The following MAGI3 variants were observed in gnomAD, a reference collection of about 807,000 sequenced individuals.
The protein encoded by MAGI3 is membrane-associated guanylate kinase, WW and PDZ domain-containing protein 3.
MAGI3 carries 43 observed loss-of-function variants against 121.8 expected under a neutral mutation model. That is an observed-to-expected ratio of 0.35 (90% confidence interval 0.28 to 0.46). The LOEUF (loss-of-function observed/expected upper bound fraction) is 0.46, where lower values mean the gene tolerates loss of function less well. Ranked by LOEUF, MAGI3 falls within the 20% of genes least tolerant of loss-of-function variation. The probability of loss-of-function intolerance (pLI) is 1.00; values close to 1 mark genes in which losing one functional copy is unlikely to be tolerated. For missense variants in MAGI3, 1,547 were observed against 1,797.3 expected (o/e 0.86, Z 2.52); for synonymous variants, 553 against 639.3 (o/e 0.86, Z 2.04).
rs79577229 is a variant in MAGI3 at position 113,547,468 on chromosome 1, A to G, written c.317-2047A>G. 4.5e-3 allele frequency among the ~76,000 whole-genome samples: 688 copies of G among 152,310 alleles called. 4 individuals carry two copies. The highest frequency in any genetic ancestry group is 8.3e-3 in the Non-Finnish European group (564 of 68,022). On this transcript the variant is annotated intron_variant, in intron 1 of 20. Coordinates refer to ENST00000307546, the MANE Select transcript of MAGI3 (RefSeq NM_001142782.2). ...ATGTTGTTTTTAAGTGGGGGAAAAA[A>G]CAATGATGCATTCTCTGTCCATTCA...
intron 9 of MAGI3, among the ~76,000 whole-genome samples, chr1:113,633,845 C>A (rs1001049860): frequency 5.9e-5 from 9 of 152,192 alleles, no homozygotes; most frequent in African/African-American, 2.2e-4. Flanking sequence ...AGTTTACAGT[C>A]CCACCAATGG....
intron 6 of MAGI3, among the ~76,000 whole-genome samples, chr1:113,611,088 CTTTTTT>C (rs139111390): frequency 2.3e-4 from 32 of 137,196 alleles, no homozygotes; most frequent in Non-Finnish European, 4.1e-4. Flanking sequence ...CATAATTATT[CTTTTTT>C]TTTTTTTTTT....
chr1:113,459,989 A>G (rs1440489298), intron 1 of MAGI3, among the ~76,000 whole-genome samples: 2 of 152,244 alleles, frequency 1.3e-5, no homozygotes, highest in Admixed American at 6.5e-5. Context: ...TCAGGCCAGT[A>G]TCCTTGATGA....
chr1:113,659,083 T>C lies in MAGI3; in HGVS notation c.2633T>C (p.Ile878Thr), dbSNP rs1653639487. 1.2e-6 allele frequency: 2 copies of C among 1,607,094 alleles called. No homozygotes were observed. Among genetic ancestry groups the C allele is most frequent in the Non-Finnish European group, 1.7e-6 (2 of 1,176,586 alleles). The part of the protein sequence containing the change: ...TSKNKPPPGV[I>T]PHKIGRVIEG... ...CCTGGGGTTTTTTTTCCCATAGTTA[T>C]TCCTCATAAAATTGGCCGAGTCATA... is the stretch of plus-strand genomic sequence containing the variant. Residue 878 changes from isoleucine (I) to threonine (T), a missense_variant, in exon 16 of 21, where the codon ATT becomes ACT. Transcript: ENST00000307546.
At chr1:113,620,011 T>C (rs1442855731) in intron 8 of MAGI3, among the ~76,000 whole-genome samples, 181 bp downstream of exon 8, 1 of 152,170 alleles carries the variant, frequency 6.6e-6, no homozygotes, top group East Asian at 1.9e-4. Context: ...ATACTGAGAT[T>C]TTTCTCAGGA....
At chr1:113,547,620 T>C (rs1659597414) in intron 1 of MAGI3, among the ~76,000 whole-genome samples, 1 of 152,236 alleles carries the variant, frequency 6.6e-6, no homozygotes. Flanking sequence ...TTAAAAATAC[T>C]TAATGAATTC....
intron 16 of MAGI3, among the ~76,000 whole-genome samples, chr1:113,665,831 A>T (rs765827990): frequency 1.3e-5 from 2 of 152,130 alleles, no homozygotes; most frequent in Non-Finnish European, 2.9e-5. Flanking sequence ...TTTTGAAAAT[A>T]CACTTTCTTT....
intron 1 of MAGI3, among the ~76,000 whole-genome samples, chr1:113,548,013 T>C (rs1000717289): frequency 1.3e-5 from 2 of 152,218 alleles, no homozygotes; most frequent in African/African-American, 4.8e-5. Context: ...ATTTCCTGCT[T>C]ATGTTAACAC....
At chr1:113,432,936 A>G (rs1038589875) in intron 1 of MAGI3, among the ~76,000 whole-genome samples, 1 of 152,076 alleles carries the variant, frequency 6.6e-6, no homozygotes, top group Non-Finnish European at 1.5e-5. Context: ...TAATCCTAGC[A>G]TTTTGGGAGG....
At chr1:113,647,951 T>C (rs1482168733) in intron 12 of MAGI3, among the ~76,000 whole-genome samples, 1 of 151,992 alleles carries the variant, frequency 6.6e-6, no homozygotes, top group African/African-American at 2.4e-5. Context: ...AGACAGAGTC[T>C]TGCTCTGTCA....
rs769697345 is a variant in MAGI3 at position 113,573,281 on chromosome 1, G to C, written c.434-7261G>C. On this transcript the variant is annotated intron_variant, in intron 2 of 20. Transcript: ENST00000307546. The stretch of plus-strand genomic sequence containing the variant: ...TTGCTTCTCTAGTTCTTTTAATTGT[G>C]ACATTAGGTTGTCTATTTTAGATCT... Among the ~76,000 whole-genome samples, 8 of 152,262 alleles carry C rather than the reference G, an allele frequency of 5.3e-5. No homozygotes were observed. In the East Asian group the frequency reaches 1.4e-3, roughly 26 times the overall value.
intron 1 of MAGI3, among the ~76,000 whole-genome samples, chr1:113,464,024 A>G (rs1655158124): frequency 1.3e-5 from 2 of 152,024 alleles, no homozygotes; most frequent in South Asian, 4.1e-4. Context: ...TATGCTAGCT[A>G]TTTCAAAATG....
At chr1:113,413,488 T>A (rs527406441) in intron 1 of MAGI3, among the ~76,000 whole-genome samples, 1 of 152,322 alleles carries the variant, frequency 6.6e-6, no homozygotes, top group Non-Finnish European at 1.5e-5. Context: ...ATTTTCACAA[T>A]ATTGATTGTT....
At chr1:113,582,879 A>T (rs925350241) in intron 3 of MAGI3, among the ~76,000 whole-genome samples, 1 of 151,732 alleles carries the variant, frequency 6.6e-6, no homozygotes, top group Non-Finnish European at 1.5e-5. Flanking sequence ...TATATAAGTA[A>T]ATTTTATATA....
At chr1:113,563,432 C>A (rs1332671023) in intron 2 of MAGI3, among the ~76,000 whole-genome samples, 1 of 152,174 alleles carries the variant, frequency 6.6e-6, no homozygotes, top group Non-Finnish European at 1.5e-5. Flanking sequence ...GAAGAGAGTT[C>A]TTTTCCTGGT....
rs1395830744 is a variant in MAGI3 at position 113,514,751 on chromosome 1, A to G, written c.317-34764A>G. Among the ~76,000 whole-genome samples, 6 of 152,294 alleles carry G rather than the reference A, an allele frequency of 3.9e-5. No homozygotes were observed. The East Asian group carries it at 1.2e-3, about 29-fold the overall frequency. ...AGTAACTAACCTGCACATTGTGCAC[A>G]TGTACCCTAAAACTTAAAGTATAAT... On this transcript the variant is annotated intron_variant, in intron 1 of 20. Transcript: ENST00000307546.
chr1:113,537,461 T>G (rs1412225275), intron 1 of MAGI3, among the ~76,000 whole-genome samples: 1 of 152,196 alleles, frequency 6.6e-6, no homozygotes, highest in African/African-American at 2.4e-5. Flanking sequence ...CACCTCCCAG[T>G]TAAGAACCTT....
chr1:113,522,569 TACTC>T (rs1161472508), intron 1 of MAGI3, among the ~76,000 whole-genome samples: 1 of 152,200 alleles, frequency 6.6e-6, no homozygotes, highest in Non-Finnish European at 1.5e-5. Context: ...GAGATAATAA[TACTC>T]ACCTCACAGG....
chr1:113,643,882 G>A, intron 11 of MAGI3, 108 bp downstream of exon 11: 1 of 1,176,558 alleles, frequency 8.5e-7, no homozygotes, highest in Non-Finnish European at 1.3e-6. Flanking sequence ...ACTGGGAGAA[G>A]TTAGGAGGCA....
Sources: allele counts gnomAD v4.1 joint callset (sites outside exome capture counted in the v4.1 genomes callset), GRCh38; gene constraint gnomAD v4.1.1; transcripts MANE v1.5; gene names NCBI Gene and HGNC (gene_info 2026-07-23, HGNC 2026-07-21).